The following EP400 variants were observed in gnomAD, a reference collection of about 807,000 sequenced individuals.
The protein encoded by EP400 is E1A binding protein p400.
Under a neutral mutation model 354.1 loss-of-function variants are expected in EP400, and 105 were observed. That is an observed-to-expected ratio of 0.30 (90% CI 0.25 to 0.35). The LOEUF (loss-of-function observed/expected upper bound fraction) is 0.35. Among genes scored for constraint, EP400 ranks in the 10% least tolerant of loss-of-function variants. EP400 has a pLI of 1.00. For missense variants in EP400, 3,280 were observed against 4,121.0 expected (o/e 0.80, Z 5.59); for synonymous variants, 1,646 against 1,716.9 (o/e 0.96, Z 1.02).
At chr12:132,019,781 T>A (rs1381274798) in intron 21 of EP400, among the ~76,000 whole-genome samples, 1 of 152,246 alleles carries the variant, frequency 6.6e-6, no homozygotes, top group African/African-American at 2.4e-5. Context: ...TAAAACAGCA[T>A]TCACCCTTGT....
In EP400 at chr12:131,960,753, C is replaced by T; in HGVS notation, c.134C>T (p.Ser45Leu). The change falls in exon 2 of 53, where the codon TCA becomes TTA. Residue 45 changes from serine (S) to leucine (L), a missense_variant. This residue lies in a region of EP400 where 172 missense variants were observed against 242.9 expected (regional missense o/e 0.71). Coordinates refer to ENST00000389561, the MANE Select transcript of EP400 (RefSeq NM_015409.5). ...TCCCCCGCAGCTCCCTTCGCTCCCT[C>T]AGCAAGCCCGTCGGCACCCCAGTCT... Reference protein sequence around the residue: ...PPSPAAPFAPSASPSAPQSPS... With the variant: ...PPSPAAPFAPLASPSAPQSPS... 3 of 1,611,568 alleles carry T rather than the reference C, an allele frequency of 1.9e-6. No individual in the cohort carries two copies. The highest frequency in any genetic ancestry group is 2.5e-6 in the Non-Finnish European group (3 of 1,179,580).
Position 132,013,344 on chromosome 12 carries a change from G to C in EP400, c.3612-146G>C, listed in dbSNP as rs1186514178. 1 of 1,387,136 alleles carries C rather than the reference G, an allele frequency of 7.2e-7. No homozygotes were observed. Among genetic ancestry groups the C allele is most frequent in the Non-Finnish European group, 9.7e-7 (1 of 1,033,072 alleles). The allele number at this position is 1,387,136 out of a possible 1,614,324, so 85.9% of individuals were successfully genotyped here. A position where few individuals can be genotyped will look rare whatever the true frequency, so the allele number is the denominator to read the frequency against. Reference sequence around the variant, plus strand: ...GCCAGAGAGCCCCAGAGCTGGGTCAGTGCAGCCCCCCTTTTCAGGCATGTG... The same window carrying C: ...GCCAGAGAGCCCCAGAGCTGGGTCACTGCAGCCCCCCTTTTCAGGCATGTG... On this transcript the variant is annotated intron_variant, in intron 17 of 52. Transcript: ENST00000389561. The surrounding 1 kb of genome is among the most constrained non-coding windows in gnomAD (Gnocchi z 4.5).
intron 2 of EP400, among the ~76,000 whole-genome samples, chr12:131,976,178 A>G (rs1221409290): frequency 6.6e-6 from 1 of 152,166 alleles, no homozygotes; most frequent in African/African-American, 2.4e-5. Flanking sequence ...GACCTTGGGC[A>G]TACATATTAA....
rs1021575082 is a variant in EP400 at position 132,054,335 on chromosome 12, C to G, written c.7729-639C>G. ...CTGTAGTGGAATTTTTATATGTACT[C>G]AGGCAACTTCATTCCTCATTTATTC... On this transcript the variant is annotated intron_variant, in intron 43 of 52. Coordinates refer to ENST00000389561, the MANE Select transcript of EP400 (RefSeq NM_015409.5). The surrounding 1 kb of genome is among the most constrained non-coding windows in gnomAD (Gnocchi z 4.0). 4.3e-4 allele frequency among the ~76,000 whole-genome samples: 65 copies of G among 152,210 alleles called. No homozygotes were observed. The highest frequency in any genetic ancestry group is 1.5e-5 in the Non-Finnish European group (1 of 68,030).
In EP400 at chr12:131,994,801, G is replaced by A; in HGVS notation, c.2738-66G>A. On this transcript the variant is annotated intron_variant, in intron 11 of 52. Transcript: ENST00000389561. The surrounding 1 kb of genome is among the most constrained non-coding windows in gnomAD (Gnocchi z 4.6). Reference sequence around the variant, plus strand: ...CAAAATAATTTCGAAGCCTTATAGTGTGTAATGAGTAACAGACACTCAAGT... The same window carrying A: ...CAAAATAATTTCGAAGCCTTATAGTATGTAATGAGTAACAGACACTCAAGT... The A allele has an allele frequency of 7.3e-7, 1 of 1,373,054 alleles. No individual in the cohort carries two copies. The highest frequency in any genetic ancestry group is 1.0e-6 in the Non-Finnish European group (1 of 969,026). The allele number at this position is 1,373,054 out of a possible 1,614,324, so 85.1% of individuals were successfully genotyped here.
At chr12:132,022,111 C>G (rs533101399) in intron 23 of EP400, among the ~76,000 whole-genome samples, 2 of 152,210 alleles carry the variant, frequency 1.3e-5, no homozygotes, top group Non-Finnish European at 2.9e-5. Flanking sequence ...TTACAAGTCT[C>G]TCTCTCCCAT....
rs192669326 is a variant in EP400, at chr12:132,002,061, C to A, written c.2828-3016C>A. ...ATTGTGGAAGTTACTTTAGGCCTGA[C>A]AGTGAAGGAGTTTCCTCTAGAGAGA... On this transcript the variant is annotated intron_variant, in intron 12 of 52. Coordinates refer to ENST00000389561, the MANE Select transcript of EP400 (RefSeq NM_015409.5). Among the ~76,000 whole-genome samples the A allele has an allele frequency of 2.6e-5, 4 of 152,312 alleles. No individual in the cohort carries two copies. The East Asian group carries it at 7.7e-4, about 29-fold the overall frequency.
Position 132,018,240 on chromosome 12 carries a change from G to T in EP400, c.4141G>T (p.Gly1381Cys). ...EADLSMFDLI[G>C]LENKITRHEA... ...AGATCTTTCTATGTTTGATCTCATC[G>T]GCTTAGAAAATAAAATCACTCGTCA... Residue 1381 changes from glycine (G) to cysteine (C), a missense_variant, in exon 21 of 53, where the codon GGC becomes TGC. Gly to Cys is a radical substitution (Grantham distance 159). This residue lies in a region of EP400 where 342 missense variants were observed against 342.7 expected (regional missense o/e 1.00). Coordinates refer to ENST00000389561, the MANE Select transcript of EP400 (RefSeq NM_015409.5). The surrounding 1 kb of genome is among the most constrained non-coding windows in gnomAD (Gnocchi z 4.0). 2 of 1,612,948 alleles carry T rather than the reference G, an allele frequency of 1.2e-6. No individual in the cohort carries two copies. The highest frequency in any genetic ancestry group is 8.5e-7 in the Non-Finnish European group (1 of 1,179,696).
At chr12:132,039,838 A>G (rs896267069) in intron 32 of EP400, among the ~76,000 whole-genome samples, 8 of 152,238 alleles carry the variant, frequency 5.3e-5, no homozygotes, top group African/African-American at 1.9e-4. Flanking sequence ...CAGGAGTTCA[A>G]GACTGGCATG....
In EP400 at chr12:131,987,873, G is replaced by A. The variant is rs1310574037; in HGVS notation, c.2392G>A (p.Val798Met). The change falls in exon 7 of 53, where the codon GTG becomes ATG. Residue 798 changes from valine (V) to methionine (M), a missense_variant. Around this residue, in one of 20 missense-constraint regions of EP400, gnomAD observed 800 missense variants for 840.0 expected, o/e 0.95. Coordinates refer to ENST00000389561, the MANE Select transcript of EP400 (RefSeq NM_015409.5). ...CTTTGCCCAGGAGAGGAGGTGGAAGGTGGCTGCTGCGAAGAAGGTGGGTTG... is the reference window on the plus strand; with the variant it reads ...CTTTGCCCAGGAGAGGAGGTGGAAGATGGCTGCTGCGAAGAAGGTGGGTTG... ...TDFAQERRWKVAAAKKLVRTV... is the reference protein window; with the variant it reads ...TDFAQERRWKMAAAKKLVRTV... 2 of 1,609,606 alleles carry A rather than the reference G, an allele frequency of 1.2e-6. No individual in the cohort carries two copies. Among genetic ancestry groups the A allele is most frequent in the African/African-American group, 2.7e-5 (2 of 74,832 alleles).
At chr12:132,020,834 G>T (rs935721167) in intron 22 of EP400, among the ~76,000 whole-genome samples, 29 of 152,182 alleles carry the variant, frequency 1.9e-4, no homozygotes, top group African/African-American at 7.0e-4. Context: ...AACAGTTTCT[G>T]TTTACTCTGA....
intron 5 of EP400, among the ~76,000 whole-genome samples, chr12:131,983,014 T>C (rs1364524474): frequency 6.6e-6 from 1 of 152,054 alleles, no homozygotes; most frequent in African/African-American, 2.4e-5. Flanking sequence ...ACTGTTATTA[T>C]TGTCACTCTT....
At chr12:131,975,788 A>G (rs1276965514) in intron 2 of EP400, among the ~76,000 whole-genome samples, 1 of 151,800 alleles carries the variant, frequency 6.6e-6, no homozygotes, top group African/African-American at 2.4e-5. Context: ...TGAACTCCTG[A>G]CCTCAAGTGA....
At chr12:132,019,967 T>C in intron 21 of EP400, 82 bp from the exon 22 acceptor site, 1 of 1,406,082 alleles carries the variant, frequency 7.1e-7, no homozygotes, top group Admixed American at 2.8e-5. Context: ...TGGGCAGCGG[T>C]GAACCCCGGC....
intron 48 of EP400, chr12:132,065,377 G>T (rs1490037380): frequency 1.3e-5 from 2 of 159,438 alleles, no homozygotes; most frequent in Admixed American, 5.9e-5. Context: ...CTCAGCAGGT[G>T]CCAGCGTCCC....
At chr12:131,974,883 G>A (rs1014142327) in intron 2 of EP400, among the ~76,000 whole-genome samples, 3 of 151,216 alleles carry the variant, frequency 2.0e-5, no homozygotes, top group Non-Finnish European at 2.9e-5. Context: ...CCAGCTACTC[G>A]GGAGGCTGAG....
At chr12:131,989,506 G>T (rs773390837) in intron 7 of EP400, among the ~76,000 whole-genome samples, 10 of 152,208 alleles carry the variant, frequency 6.6e-5, no homozygotes, top group African/African-American at 2.2e-4. Context: ...AGGTTCTGTT[G>T]GTGGGTATGT....
chr12:132,056,996 A>T (rs1006725097), intron 45 of EP400, among the ~76,000 whole-genome samples: 1 of 152,240 alleles, frequency 6.6e-6, no homozygotes, highest in Non-Finnish European at 1.5e-5. Flanking sequence ...ATACACCACC[A>T]TGTGCCTGGG....
At position 132,062,123 on chromosome 12, in the gene EP400, C is replaced by T. The variant is rs1895714333; in HGVS notation, c.7898C>T (p.Ser2633Phe). 1.9e-6 allele frequency: 3 copies of T among 1,613,036 alleles called. No homozygotes were observed. Among genetic ancestry groups the T allele is most frequent in the African/African-American group, 2.7e-5 (2 of 74,902 alleles). ...APGALTTPGG[S>F]APAQVVHTQP... ...TGCCTTTTCTAGACGCCGGGAGGCTCTGCTCCCGCCCAGGTGGTGCACACC... is the reference window on the plus strand; with the variant it reads ...TGCCTTTTCTAGACGCCGGGAGGCTTTGCTCCCGCCCAGGTGGTGCACACC... The change falls in exon 46 of 53, where the codon TCT becomes TTT. Residue 2633 changes from serine to phenylalanine, a missense_variant. Ser to Phe is a radical substitution (Grantham distance 155). Transcript: ENST00000389561.
Sources: gnomAD v4.1 joint callset for allele counts (sites outside exome capture counted in the v4.1 genomes callset) on GRCh38, gnomAD v4.1.1 for gene constraint, gnomAD v4.1.1 regional missense constraint, Gnocchi (gnomAD v3.1) non-coding constraint, MANE v1.5 for transcripts, NCBI Gene and HGNC (gene_info 2026-07-23, HGNC 2026-07-21) for gene names.